Variants in CDC25A observed in about 807,000 individuals in gnomAD.
The protein encoded by CDC25A is M-phase inducer phosphatase 1.
In CDC25A, 17 loss-of-function variants were observed where a neutral mutation model predicts 64.6. That is an observed-to-expected ratio of 0.26 (90% CI 0.18 to 0.39). The LOEUF (loss-of-function observed/expected upper bound fraction) is 0.39, where lower values mean the gene tolerates loss of function less well. Ranked by LOEUF, CDC25A falls within the 10% of genes least tolerant of loss-of-function variation. The pLI, the probability that CDC25A is intolerant of heterozygous loss-of-function variation, is 1.00. For synonymous variants in CDC25A, 229 were observed against 238.6 expected (o/e 0.96, Z 0.37); for missense variants, 473 against 654.8 (o/e 0.72, Z 3.03).
At chr3:48,186,569 CAAAAAA>C in intron 2 of CDC25A, 128 bp downstream of exon 2, 14 of 383,664 alleles carry the variant, frequency 3.6e-5, no homozygotes, top group South Asian at 2.5e-4. Context: ...AACTCTGTCT[CAAAAAA>C]AAAAAAAAAA....
chr3:48,187,659 G>A lies in CDC25A; in HGVS notation c.170+119C>T. 9 of 1,028,978 alleles carry A rather than the reference G, an allele frequency of 8.7e-6. No homozygotes were observed. The South Asian group carries it at 1.6e-4, about 18-fold the overall frequency. The allele number at this position is 1,028,978 out of a possible 1,614,324, so 63.7% of individuals were successfully genotyped here. ...GGCAGGCCCTAGCCCGGCTGTCCCC[G>A]AGCGGCGAACCCGGACGGACGGGTC... is the stretch of plus-strand genomic sequence containing the variant. On this transcript the variant is annotated intron_variant, in intron 1 of 14. Coordinates refer to ENST00000302506, the MANE Select transcript of CDC25A (RefSeq NM_001789.3).
At position 48,187,761 on chromosome 3, in the gene CDC25A, CG is replaced by C. The variant is rs1421050981; in HGVS notation, c.170+16del. 6.5e-7 allele frequency: 1 copy of C among 1,532,762 alleles called. No homozygotes were observed. The highest frequency in any genetic ancestry group is 2.6e-5 in the East Asian group (1 of 37,770). The allele number at this position is 1,532,762 out of a possible 1,614,324, so 94.9% of individuals were successfully genotyped here. A position where few individuals can be genotyped will look rare whatever the true frequency, so the allele number is the denominator to read the frequency against. ...GAGGCCAGGGGCCCGGAGCACCGCC[CG>C]CCGGTCTCTCCTTACCTGCCCAGAC... On this transcript the variant is annotated intron_variant, in intron 1 of 14. Transcript: ENST00000302506.
At chr3:48,162,548 G>A (rs1486568976) in intron 13 of CDC25A, among the ~76,000 whole-genome samples, 1 of 151,756 alleles carries the variant, frequency 6.6e-6, no homozygotes, top group Admixed American at 6.6e-5. Context: ...ACCTCTTCTT[G>A]AGCTTTAAAA....
chr3:48,160,409 A>AAACT (rs2031703261), intron 13 of CDC25A, among the ~76,000 whole-genome samples: 1 of 106,096 alleles, frequency 9.4e-6, no homozygotes. Flanking sequence ...GCACCCAGTC[A>AAACT]CCTTTTTTTT....
chr3:48,170,019 AC>A (rs1470596633), intron 9 of CDC25A, among the ~76,000 whole-genome samples: 1 of 151,790 alleles, frequency 6.6e-6, no homozygotes, highest in Non-Finnish European at 1.5e-5. Flanking sequence ...AAAAAAAAAA[AC>A]AAACAAAAAA....
chr3:48,187,405 G>A (rs747434082), intron 1 of CDC25A, among the ~76,000 whole-genome samples: 4 of 152,246 alleles, frequency 2.6e-5, no homozygotes, highest in African/African-American at 9.6e-5. Flanking sequence ...AAGATCCTGA[G>A]GATGGTTTAG....
chr3:48,187,122 G>A (rs987298563), intron 1 of CDC25A, among the ~76,000 whole-genome samples: 1 of 152,224 alleles, frequency 6.6e-6, no homozygotes, highest in Non-Finnish European at 1.5e-5. Context: ...CAGAAGTTGG[G>A]AAACGCACAA....
intron 13 of CDC25A, among the ~76,000 whole-genome samples, chr3:48,162,899 C>A (rs2031839445): frequency 6.6e-6 from 1 of 151,694 alleles, no homozygotes; most frequent in Non-Finnish European, 1.5e-5. Flanking sequence ...TGCCTGCAAT[C>A]CTAGCACTTT....
At chr3:48,164,471 C>A (rs191550329) in intron 12 of CDC25A, 34 bp from the exon 13 acceptor site, 44 of 1,465,312 alleles carry the variant, frequency 3.0e-5, no homozygotes, top group African/African-American at 2.0e-4. Flanking sequence ...GGAACCTGCA[C>A]GTTTCACACA....
intron 10 of CDC25A, among the ~76,000 whole-genome samples, chr3:48,166,330 T>C (rs893867718): frequency 6.6e-6 from 1 of 152,136 alleles, no homozygotes; most frequent in Non-Finnish European, 1.5e-5. Context: ...TAGTACACAC[T>C]AGTTACTCTT....
intron 1 of CDC25A, 152 bp from the exon 2 acceptor site, chr3:48,186,931 C>T: frequency 1.7e-6 from 1 of 596,506 alleles, no homozygotes; most frequent in Non-Finnish European, 3.0e-6. Context: ...CTTTGCCACT[C>T]TGAACACCCA....
intron 6 of CDC25A, among the ~76,000 whole-genome samples, chr3:48,178,312 G>A (rs1424759883): frequency 6.6e-6 from 1 of 152,296 alleles, no homozygotes; most frequent in African/African-American, 2.4e-5. Flanking sequence ...GATCAGCATT[G>A]AGGACTGTGA....
intron 8 of CDC25A, chr3:48,174,781 C>T: frequency 5.4e-6 from 1 of 184,956 alleles, no homozygotes; most frequent in Non-Finnish European, 1.1e-5. Flanking sequence ...TTTGGCTTGC[C>T]TATCTTCCCC....
rs572329670 is a variant in CDC25A at position 48,177,388 on chromosome 3, T to C, written c.739A>G (p.Met247Val). The change falls in exon 8 of 15, where the codon ATG becomes GTG. Residue 247 changes from methionine (M) to valine (V), a missense_variant. Met to Val is a conservative substitution (Grantham distance 21). Coordinates refer to ENST00000302506, the MANE Select transcript of CDC25A (RefSeq NM_001789.3). Reference sequence around the variant, plus strand: ...CAACTCACAAGGTTTGTAGTTCTCATGACGAGAGGAGCTGTCCAGAGGCTT... The same window carrying C: ...CAACTCACAAGGTTTGTAGTTCTCACGACGAGAGGAGCTGTCCAGAGGCTT... ...MASLWTAPLV[M>V]RTTNLDNRCK... is the part of the protein sequence containing the mutation. 9 of 1,613,832 alleles carry C rather than the reference T, an allele frequency of 5.6e-6. No individual in the cohort carries two copies. The African/African-American group carries it at 1.1e-4, about 19-fold the overall frequency.
chr3:48,164,202 G>T, intron 13 of CDC25A, 105 bp downstream of exon 13: 1 of 1,084,890 alleles, frequency 9.2e-7, no homozygotes, highest in Non-Finnish European at 1.3e-6. Context: ...GCCAGAGGTT[G>T]CTTGATATGC....
intron 8 of CDC25A, among the ~76,000 whole-genome samples, chr3:48,175,257 C>T (rs1026371625): frequency 1.3e-5 from 2 of 152,030 alleles, no homozygotes; most frequent in African/African-American, 4.8e-5. Flanking sequence ...AGATTTGCAC[C>T]ACTGCACTCC....
intron 9 of CDC25A, among the ~76,000 whole-genome samples, chr3:48,169,434 A>C (rs1057467535): frequency 6.6e-6 from 1 of 152,186 alleles, no homozygotes; most frequent in Non-Finnish European, 1.5e-5. Context: ...TCCTTTCCAG[A>C]GTTAGGTTAA....
At chr3:48,159,209 G>C in intron 14 of CDC25A, 124 bp from the exon 15 acceptor site, 6 of 1,342,744 alleles carry the variant, frequency 4.5e-6, no homozygotes, top group Non-Finnish European at 6.2e-6. Flanking sequence ...AGTTCTACAG[G>C]GGCTTTCTTT....
At chr3:48,171,382 CTTT>C (rs908598235) in intron 9 of CDC25A, among the ~76,000 whole-genome samples, 8 of 136,470 alleles carry the variant, frequency 5.9e-5, no homozygotes, top group African/African-American at 1.3e-4. Flanking sequence ...AATGAATATT[CTTT>C]TTTTTTTTTT....
Sources: gnomAD v4.1 joint callset for allele counts (sites outside exome capture counted in the v4.1 genomes callset) on GRCh38, gnomAD v4.1.1 for gene constraint, MANE v1.5 for transcripts, NCBI Gene and HGNC (gene_info 2026-07-23, HGNC 2026-07-21) for gene names.